The following SH3PXD2B variants were observed in gnomAD, a reference collection of about 807,000 sequenced individuals.
SH3PXD2B encodes the protein SH3 and PX domain-containing protein 2B.
Under a neutral mutation model 73.1 loss-of-function variants are expected in SH3PXD2B, and 37 were observed. The observed-to-expected ratio is 0.51, with a 90% CI of 0.39 to 0.67. The LOEUF (loss-of-function observed/expected upper bound fraction) is 0.67. Among genes scored for constraint, SH3PXD2B ranks in the 30% least tolerant of loss-of-function variants. The pLI, the probability that SH3PXD2B is intolerant of heterozygous loss-of-function variation, is 0.00. For synonymous variants in SH3PXD2B, 457 were observed against 480.5 expected, an observed-to-expected ratio of 0.95 and a Z score of 0.64; for missense variants, 1,053 against 1,197.8, an observed-to-expected ratio of 0.88 and a Z score of 1.78.
chr5:172,363,154 T>A (rs1757435995), intron 6 of SH3PXD2B, among the ~76,000 whole-genome samples: 3 of 152,162 alleles, frequency 2.0e-5, no homozygotes, highest in African/African-American at 7.2e-5. Flanking sequence ...TCATTCATAC[T>A]TAGCCATCCC....
rs1367199640 is a variant in SH3PXD2B at position 172,353,960 on chromosome 5, T to C, written c.713A>G (p.Asp238Gly). Reference sequence around the variant, plus strand: ...AGCCCCTCTCTCCAGGTTCATTTCATCCTGGTCCCGAGCTGTGTACGGGTA... The same window carrying C: ...AGCCCCTCTCTCCAGGTTCATTTCACCCTGGTCCCGAGCTGTGTACGGGTA... ...VIYPYTARDQ[D>G]EMNLERGAVV... Residue 238 changes from aspartate to glycine, a missense_variant, in exon 9 of 13, where the codon GAT becomes GGT. Transcript: ENST00000311601. This position sits in a 1 kb window ranked among gnomAD's most constrained non-coding sequence, Gnocchi z 4.3. The C allele has an allele frequency of 1.2e-6, 2 of 1,614,000 alleles. No individual in the cohort carries two copies. The highest frequency in any genetic ancestry group is 1.3e-5 in the African/African-American group (1 of 74,906).
chr5:172,334,498 G>A lies in SH3PXD2B; in HGVS notation c.*3871C>T, dbSNP rs906209333. 1.3e-5 allele frequency: 13 copies of A among 985,578 alleles called. No individual in the cohort carries two copies. The highest frequency in any genetic ancestry group is 4.7e-5 in the South Asian group (1 of 21,294). 61.1% of individuals were successfully genotyped at this position (985,578 alleles called of 1,614,324 possible). A position where few individuals can be genotyped will look rare whatever the true frequency, so the allele number is the denominator to read the frequency against. On this transcript the variant is annotated 3_prime_UTR_variant, in exon 13 of 13. Coordinates refer to ENST00000311601, the MANE Select transcript of SH3PXD2B (RefSeq NM_001017995.3). ...AGTCTACACAACAGCCCTGCAGAAC[G>A]GGCCTGGACAACCCTTGGGGGATAA...
intron 1 of SH3PXD2B, among the ~76,000 whole-genome samples, chr5:172,427,621 G>A (rs1210239083): frequency 6.6e-6 from 1 of 152,106 alleles, no homozygotes; most frequent in Admixed American, 6.6e-5. Flanking sequence ...AAAGTATTGG[G>A]ATTACAGCCG....
intron 6 of SH3PXD2B, among the ~76,000 whole-genome samples, chr5:172,365,414 C>A (rs567569009): frequency 6.6e-6 from 1 of 152,344 alleles, no homozygotes; most frequent in South Asian, 2.1e-4. Context: ...TGACTCCAGG[C>A]TCTTCTGGGT....
chr5:172,339,858 C>T lies in SH3PXD2B; in HGVS notation c.1247G>A (p.Trp416Ter). ...WYIQIEDKEG[W>*]APATFIDKYK... ...CTTGTCAATGAAGGTGGCCGGGGCC[C>T]ACCCTTCCTTATCTTCAATCTGAAT... Residue 416 changes from tryptophan to a stop codon, truncating the protein, a stop_gained, in exon 13 of 13, where the codon TGG (tryptophan) becomes TAG (stop). Transcript: ENST00000311601. LOFTEE classifies it low-confidence loss of function (END_TRUNC). The surrounding 1 kb of genome is among the most constrained non-coding windows in gnomAD (Gnocchi z 6.1). The T allele has an allele frequency of 6.2e-7, 1 of 1,614,252 alleles. No individual in the cohort carries two copies. Among genetic ancestry groups the T allele is most frequent in the South Asian group, 1.1e-5 (1 of 91,088 alleles).
intron 1 of SH3PXD2B, among the ~76,000 whole-genome samples, chr5:172,422,964 T>TC (rs929080473): frequency 1.1e-4 from 16 of 152,288 alleles, no homozygotes; most frequent in African/African-American, 3.1e-4. Flanking sequence ...AGTTATTTTT[T>TC]CCCCGAGTCC....
intron 1 of SH3PXD2B, among the ~76,000 whole-genome samples, chr5:172,439,259 A>C (rs1414932863): frequency 1.4e-5 from 1 of 73,100 alleles, no homozygotes; most frequent in Non-Finnish European, 3.2e-5. Flanking sequence ...AAGAAAAAAA[A>C]AAAACAAAAA....
chr5:172,453,049 G>C (rs1171459648), intron 1 of SH3PXD2B, among the ~76,000 whole-genome samples: 1 of 151,800 alleles, frequency 6.6e-6, no homozygotes, highest in African/African-American at 2.4e-5. Flanking sequence ...GTGGGTTCCC[G>C]GCTATCTCCT....
At position 172,353,975 on chromosome 5, in the gene SH3PXD2B, G is replaced by A. The variant is rs149519060; in HGVS notation, c.698C>T (p.Thr233Ile). The A allele has an allele frequency of 2.1e-4, 345 of 1,614,164 alleles. 1 individual carries two copies. The African/African-American group carries it at 4.0e-3, about 19-fold the overall frequency. Reference sequence around the variant, plus strand: ...GTTCATTTCATCCTGGTCCCGAGCTGTGTACGGGTAGATGACTGTGTACTT... The same window carrying A: ...GTTCATTTCATCCTGGTCCCGAGCTATGTACGGGTAGATGACTGTGTACTT... ...EEKYTVIYPY[T>I]ARDQDEMNLE... Residue 233 changes from threonine to isoleucine, a missense_variant, in exon 9 of 13, where the codon ACA becomes ATA. Physicochemically the swap from Thr to Ile is moderately conservative, Grantham distance 89 (BLOSUM62 -1). Coordinates refer to ENST00000311601, the MANE Select transcript of SH3PXD2B (RefSeq NM_001017995.3). This position sits in a 1 kb window ranked among gnomAD's most constrained non-coding sequence, Gnocchi z 4.3.
intron 2 of SH3PXD2B, among the ~76,000 whole-genome samples, chr5:172,418,846 A>G (rs1424351746): frequency 6.6e-6 from 1 of 152,208 alleles, no homozygotes; most frequent in African/African-American, 2.4e-5. Context: ...GCATGGAGGA[A>G]AACCTTAAGT....
intron 7 of SH3PXD2B, among the ~76,000 whole-genome samples, chr5:172,360,354 C>G (rs558572191): frequency 2.0e-5 from 3 of 152,236 alleles, no homozygotes; most frequent in African/African-American, 7.2e-5. Flanking sequence ...GATGGGGAAG[C>G]CGAGGCTCAG....
chr5:172,346,034 C>A, intron 12 of SH3PXD2B, 102 bp downstream of exon 12: 2 of 1,578,148 alleles, frequency 1.3e-6, no homozygotes, highest in South Asian at 2.2e-5. Flanking sequence ...CTCCGCCCCA[C>A]CTCCACCCAC....
In SH3PXD2B at chr5:172,353,206, C is replaced by T. The variant is rs961587141; in HGVS notation, c.785+682G>A. 3.3e-5 allele frequency among the ~76,000 whole-genome samples: 5 copies of T among 152,158 alleles called. No homozygotes were observed. The highest frequency in any genetic ancestry group is 4.8e-5 in the African/African-American group (2 of 41,434). The stretch of plus-strand genomic sequence containing the variant: ...CATGCTCAGCCTCCTGGAAATGGCC[C>T]GAATGTCCCGCCACACATCACAGCG... On this transcript the variant is annotated intron_variant, in intron 9 of 12. Coordinates refer to ENST00000311601, the MANE Select transcript of SH3PXD2B (RefSeq NM_001017995.3). This position sits in a 1 kb window ranked among gnomAD's most constrained non-coding sequence, Gnocchi z 4.3.
intron 2 of SH3PXD2B, among the ~76,000 whole-genome samples, chr5:172,409,802 G>A (rs1461323546): frequency 1.3e-5 from 2 of 152,104 alleles, no homozygotes; most frequent in Non-Finnish European, 2.9e-5. Context: ...TGCAGCCTCC[G>A]CCTCCTGGGT....
Position 172,334,935 on chromosome 5 carries a change from T to G in SH3PXD2B, c.*3434A>C, listed in dbSNP as rs1392776877. 1 of 985,312 alleles carries G rather than the reference T, an allele frequency of 1.0e-6. No homozygotes were observed. Among genetic ancestry groups the G allele is most frequent in the African/African-American group, 1.7e-5 (1 of 57,244 alleles). The allele number at this position is 985,312 out of a possible 1,614,324, so 61.0% of individuals were successfully genotyped here. A position where few individuals can be genotyped will look rare whatever the true frequency, so the allele number is the denominator to read the frequency against. On this transcript the variant is annotated 3_prime_UTR_variant, in exon 13 of 13. Transcript: ENST00000311601. ...AAATTGATTCTATGGCGTGGCCTTGTGGCAGAGGTTTAAAATGACTACCGT... is the reference window on the plus strand; with the variant it reads ...AAATTGATTCTATGGCGTGGCCTTGGGGCAGAGGTTTAAAATGACTACCGT...
At chr5:172,403,454 G>C (rs889359243) in intron 3 of SH3PXD2B, among the ~76,000 whole-genome samples, 4 of 151,706 alleles carry the variant, frequency 2.6e-5, no homozygotes, top group Non-Finnish European at 5.9e-5. Flanking sequence ...AGGTGGCTCA[G>C]AAGGGGTGGT....
At chr5:172,351,018 G>A (rs377379747) in intron 9 of SH3PXD2B, among the ~76,000 whole-genome samples, 3 of 152,172 alleles carry the variant, frequency 2.0e-5, no homozygotes, top group Non-Finnish European at 4.4e-5. Flanking sequence ...TCCAGGGCTC[G>A]CCAAGTGGCA....
chr5:172,338,681 G>A lies in SH3PXD2B; in HGVS notation c.2424C>T (p.Leu808=), dbSNP rs1188893509. 3 of 1,614,112 alleles carry A rather than the reference G, an allele frequency of 1.9e-6. No individual in the cohort carries two copies. The highest frequency in any genetic ancestry group is 3.3e-5 in the Admixed American group (2 of 60,004). ...CATCCTGGCCCCCCAAAGAGTTGGA[G>A]AGAAAAGGTTTGGCTTTTGGAGGGA... The part of the protein sequence containing the change: ...LLVPPKAKPF[L]SNSLGGQDDT... The change falls in exon 13 of 13, where the codon CTC becomes CTT. Residue 808 remains leucine, a synonymous_variant. Transcript: ENST00000311601. The surrounding 1 kb of genome is among the most constrained non-coding windows in gnomAD (Gnocchi z 5.1).
chr5:172,408,743 C>T (rs1016593874), intron 2 of SH3PXD2B, among the ~76,000 whole-genome samples: 9 of 151,900 alleles, frequency 5.9e-5, no homozygotes, highest in East Asian at 1.9e-4. Flanking sequence ...AGGCTGGTCT[C>T]GAACTCCTAA....
Sources: allele counts gnomAD v4.1 joint callset (sites outside exome capture counted in the v4.1 genomes callset), GRCh38; gene constraint gnomAD v4.1.1; non-coding constraint Gnocchi (gnomAD v3.1); transcripts MANE v1.5; gene names NCBI Gene and HGNC (gene_info 2026-07-23, HGNC 2026-07-21).